Variants in CACNB1 observed in about 807,000 individuals in gnomAD.
CACNB1 encodes calcium voltage-gated channel auxiliary subunit beta 1, also known as voltage-dependent L-type calcium channel subunit beta-1.
Under a neutral mutation model 71.6 loss-of-function variants are expected in CACNB1, and 29 were observed. The observed-to-expected ratio is 0.40, with a 90% CI of 0.30 to 0.55. The LOEUF is 0.55. CACNB1 is among the 20% of genes least tolerant of loss of function. The pLI is 0.38. For synonymous variants in CACNB1, 300 were observed against 319.6 expected, an observed-to-expected ratio of 0.94 and a Z score of 0.65; for missense variants, 623 against 801.8, an observed-to-expected ratio of 0.78 and a Z score of 2.69.
At chr17:39,180,832 C>A (rs1446275823) in intron 11 of CACNB1, among the ~76,000 whole-genome samples, 1 of 152,046 alleles carries the variant, frequency 6.6e-6, no homozygotes, top group Non-Finnish European at 1.5e-5. Flanking sequence ...CCTGCCTCAG[C>A]CTCCCAAAGT....
At chr17:39,187,440 C>T in intron 4 of CACNB1, 39 bp downstream of exon 4, 1 of 1,611,622 alleles carries the variant, frequency 6.2e-7, no homozygotes, top group Non-Finnish European at 8.5e-7. Context: ...CTGCCTGTCT[C>T]CTGGCACCCA....
chr17:39,178,617 A>G (rs144952193), intron 11 of CACNB1, among the ~76,000 whole-genome samples: 1,864 of 152,048 alleles, frequency 0.012, 47 homozygotes, highest in African/African-American at 0.043. Flanking sequence ...TCCTGGCCTC[A>G]AGTGATCCAC....
intron 10 of CACNB1, 68 bp downstream of exon 10, chr17:39,183,963 C>A (rs2045859428): frequency 2.6e-6 from 4 of 1,531,962 alleles, no homozygotes; most frequent in African/African-American, 1.4e-5. Context: ...CCCACTACCT[C>A]CCACACCTCC....
At chr17:39,184,981 T>G in intron 7 of CACNB1, 117 bp from the exon 8 acceptor site, 1 of 976,726 alleles carries the variant, frequency 1.0e-6, no homozygotes, top group Non-Finnish European at 1.7e-6. Context: ...AGCCCAGATG[T>G]AGGGATCAGG....
rs577428368 is a variant in CACNB1, at chr17:39,176,118, C to G, written c.1333-461G>C. On this transcript the variant is annotated intron_variant, in intron 13 of 13. Coordinates refer to ENST00000394303, the MANE Select transcript of CACNB1 (RefSeq NM_000723.5). Reference sequence around the variant, plus strand: ...TGGCTTCTTCGACCCACACCAAACCCCAATCTCAGGCTTCCAGAACCCCAT... The same window carrying G: ...TGGCTTCTTCGACCCACACCAAACCGCAATCTCAGGCTTCCAGAACCCCAT... Among the ~76,000 whole-genome samples, 5 of 152,312 alleles carry G rather than the reference C, an allele frequency of 3.3e-5. No individual in the cohort carries two copies. In the South Asian group the frequency reaches 1.0e-3, roughly 32 times the overall value.
In CACNB1 at chr17:39,175,059, A is replaced by G; in HGVS notation, c.*134T>C. 2 of 781,224 alleles carry G rather than the reference A, an allele frequency of 2.6e-6. No homozygotes were observed. The highest frequency in any genetic ancestry group is 4.1e-6 in the Non-Finnish European group (2 of 483,490). The allele number at this position is 781,224 out of a possible 1,614,324, so 48.4% of individuals were successfully genotyped here. A position where few individuals can be genotyped will look rare whatever the true frequency, so the allele number is the denominator to read the frequency against. On this transcript the variant is annotated 3_prime_UTR_variant, in exon 14 of 14. Coordinates refer to ENST00000394303, the MANE Select transcript of CACNB1 (RefSeq NM_000723.5). This position sits in a 1 kb window ranked among gnomAD's most constrained non-coding sequence, Gnocchi z 4.7. The stretch of plus-strand genomic sequence containing the variant: ...GGGATGGTAACACCAAAGAAACCCC[A>G]AGCTTTGAGCAAAGGCATCTGAAAG...
Sources: gnomAD v4.1 joint callset for allele counts (sites outside exome capture counted in the v4.1 genomes callset) on GRCh38, gnomAD v4.1.1 for gene constraint, Gnocchi (gnomAD v3.1) non-coding constraint, MANE v1.5 for transcripts, NCBI Gene and HGNC (gene_info 2026-07-23, HGNC 2026-07-21) for gene names.